Variants in NEURL1 observed in about 807,000 individuals in gnomAD.
NEURL1 encodes E3 ubiquitin-protein ligase NEURL1.
In NEURL1, 26 loss-of-function variants were observed where a neutral mutation model predicts 41.2. The ratio of observed to expected loss-of-function variants is 0.63; its 90% CI spans 0.46 to 0.87. NEURL1 has a LOEUF of 0.87. Among genes scored for constraint, NEURL1 ranks in the 40% least tolerant of loss-of-function variants. NEURL1 has a pLI of 0.00. For synonymous variants in NEURL1, 400 were observed against 402.3 expected (o/e 0.99, Z 0.07); for missense variants, 761 against 871.1 (o/e 0.87, Z 1.59).
At chr10:103,543,095 C>T (rs1224199149) in intron 1 of NEURL1, among the ~76,000 whole-genome samples, 3 of 152,164 alleles carry the variant, frequency 2.0e-5, no homozygotes, top group Non-Finnish European at 4.4e-5. Context: ...GGCGCTCTGT[C>T]CCCTGCCGCT....
At position 103,522,225 on chromosome 10, in the gene NEURL1, A is replaced by T. The variant is rs368456911; in HGVS notation, c.85+27753A>T. Among the ~76,000 whole-genome samples the T allele has an allele frequency of 9.9e-5, 15 of 152,236 alleles. No homozygotes were observed. In the East Asian group the frequency reaches 2.9e-3, roughly 29 times the overall value. On this transcript the variant is annotated intron_variant, in intron 1 of 5. Transcript: ENST00000369780. ...ATCCGGATGTTTACGTGCAGGTCAC[A>T]GGGGATATGATGGCTTGGCTTGGGC...
At position 103,590,368 on chromosome 10, in the gene NEURL1, C is replaced by G. The variant is rs1457302589; in HGVS notation, c.1721C>G (p.Ser574Cys). 1 of 1,612,536 alleles carries G rather than the reference C, an allele frequency of 6.2e-7. No homozygotes were observed. The highest frequency in any genetic ancestry group is 2.2e-5 in the East Asian group (1 of 44,872). Reference protein sequence around the residue: ...IKDIIKTYRSS With the variant: ...IKDIIKTYRSC ...GACATCATCAAGACCTACCGCAGCT[C>G]CTAGCCCGTTGCGGTGGCCCATCCC... The change falls in exon 6 of 6, where the codon TCC becomes TGC. Residue 574 changes from serine (S) to cysteine (C), a missense_variant. Around this residue, in one of 5 missense-constraint regions of NEURL1, gnomAD observed 45 missense variants for 89.9 expected, o/e 0.50. Transcript: ENST00000369780.
At chr10:103,563,666 A>G (rs1033248236) in intron 1 of NEURL1, among the ~76,000 whole-genome samples, 6 of 152,198 alleles carry the variant, frequency 3.9e-5, no homozygotes, top group African/African-American at 1.4e-4. Flanking sequence ...TGATATAAAT[A>G]GTAATAATAA....
intron 4 of NEURL1, among the ~76,000 whole-genome samples, chr10:103,587,674 T>C (rs1199882328): frequency 1.3e-5 from 2 of 152,242 alleles, no homozygotes; most frequent in African/African-American, 4.8e-5. Context: ...TCCATACTTA[T>C]TGGTGAAACA....
At chr10:103,563,655 A>T (rs1438468376) in intron 1 of NEURL1, among the ~76,000 whole-genome samples, 1 of 152,174 alleles carries the variant, frequency 6.6e-6, no homozygotes, top group Non-Finnish European at 1.5e-5. Context: ...GGAAAGCAGA[A>T]TGATATAAAT....
chr10:103,582,535 G>C (rs183621481), intron 3 of NEURL1, among the ~76,000 whole-genome samples: 13 of 152,350 alleles, frequency 8.5e-5, no homozygotes, highest in East Asian at 1.9e-4. Context: ...AGGAGGCTTG[G>C]GGGGAAGGGC....
rs2035525257 is a variant in NEURL1 at position 103,570,860 on chromosome 10, G to C, written c.86-12G>C. 14 of 1,610,032 alleles carry C rather than the reference G, an allele frequency of 8.7e-6. No individual in the cohort carries two copies. The highest frequency in any genetic ancestry group is 1.2e-5 in the Non-Finnish European group (14 of 1,177,410). ...GCCAAGTTCTCTGACACCGTGGCCT[G>C]TTCCTTTGCAGACTCTATCGGGGGC... is the stretch of plus-strand genomic sequence containing the variant. On this transcript the variant is annotated splice_polypyrimidine_tract_variant and intron_variant, in intron 1 of 5. Coordinates refer to ENST00000369780, the MANE Select transcript of NEURL1 (RefSeq NM_004210.5).
chr10:103,513,838 T>G (rs558536435), intron 1 of NEURL1, among the ~76,000 whole-genome samples: 73 of 151,356 alleles, frequency 4.8e-4, no homozygotes, highest in African/African-American at 1.5e-3. Flanking sequence ...CCCCAAGGCC[T>G]CTGGGGCAGG....
rs1342360072 is a variant in NEURL1, at chr10:103,562,771, G to T, written c.86-8101G>T. Among the ~76,000 whole-genome samples, 9 of 152,280 alleles carry T rather than the reference G, an allele frequency of 5.9e-5. No homozygotes were observed. The East Asian group carries it at 1.7e-3, about 29-fold the overall frequency. ...AGAGAGACTTCTGGGAAAAATCTAC[G>T]TCCGAAGGATGCATGAGAAAGGCAG... On this transcript the variant is annotated intron_variant, in intron 1 of 5. Transcript: ENST00000369780.
intron 1 of NEURL1, among the ~76,000 whole-genome samples, chr10:103,561,150 G>A (rs1464892776): frequency 3.3e-5 from 5 of 152,220 alleles, no homozygotes; most frequent in African/African-American, 1.2e-4. Context: ...GTGGCAGCTG[G>A]CTTCCCCCCG....
chr10:103,551,184 C>G (rs1411146007), intron 1 of NEURL1, among the ~76,000 whole-genome samples: 2 of 151,980 alleles, frequency 1.3e-5, no homozygotes, highest in Admixed American at 6.6e-5. Context: ...TCCTGCTCAC[C>G]AGTTGGTGTA....
At chr10:103,583,365 C>T (rs1204722529) in intron 3 of NEURL1, among the ~76,000 whole-genome samples, 1 of 151,984 alleles carries the variant, frequency 6.6e-6, no homozygotes, top group African/African-American at 2.4e-5. Flanking sequence ...TGATGTAGTA[C>T]ATATAAAAGG....
chr10:103,532,302 T>C (rs183488378), intron 1 of NEURL1, among the ~76,000 whole-genome samples: 23 of 152,356 alleles, frequency 1.5e-4, no homozygotes, highest in Admixed American at 5.9e-4. Flanking sequence ...GGTTTTTGTT[T>C]TTTTGGTAGT....
chr10:103,588,770 C>T, intron 4 of NEURL1: 1 of 421,070 alleles, frequency 2.4e-6, no homozygotes, highest in East Asian at 7.2e-5. Context: ...ATGGTGAAAC[C>T]CCGTCTCTAT....
In NEURL1 at chr10:103,520,216, C is replaced by T. The variant is rs575690913; in HGVS notation, c.85+25744C>T. The stretch of plus-strand genomic sequence containing the variant: ...AAATGATTAAAGTCAGTGTCACGTA[C>T]GTCCGTGTGAAGAGACCACCAAACA... On this transcript the variant is annotated intron_variant, in intron 1 of 5. Transcript: ENST00000369780. 1.1e-3 allele frequency among the ~76,000 whole-genome samples: 161 copies of T among 152,246 alleles called. 1 individual carries two copies. The highest frequency in any genetic ancestry group is 0.01 in the Middle Eastern group (3 of 294).
rs888077396 is a variant in NEURL1, at chr10:103,494,143, C to G, written c.-245C>G. 3 of 425,600 alleles carry G rather than the reference C, an allele frequency of 7.0e-6. No homozygotes were observed. Among genetic ancestry groups the G allele is most frequent in the African/African-American group, 2.1e-5 (1 of 47,276 alleles). 26.4% of individuals were successfully genotyped at this position (425,600 alleles called of 1,614,324 possible). A position where few individuals can be genotyped will look rare whatever the true frequency, so the allele number is the denominator to read the frequency against. On this transcript the variant is annotated 5_prime_UTR_variant, in exon 1 of 6. Transcript: ENST00000369780. ...GCCCTGCTTGTGGCCCCCGCTCCCG[C>G]CACGGGGCATGGGAGGCAGGTAGCC...
intron 1 of NEURL1, among the ~76,000 whole-genome samples, chr10:103,533,530 G>A (rs1409407937): frequency 7.4e-5 from 11 of 148,130 alleles, no homozygotes; most frequent in Non-Finnish European, 1.6e-4. Flanking sequence ...CCACGATGCC[G>A]GACTAATTTT....
chr10:103,583,383 CA>C (rs1261793994), intron 3 of NEURL1, among the ~76,000 whole-genome samples: 1 of 151,970 alleles, frequency 6.6e-6, no homozygotes, highest in East Asian at 1.9e-4. Flanking sequence ...AGGTAAAAAA[CA>C]AGTGATGTTT....
chr10:103,545,290 A>C lies in NEURL1; in HGVS notation c.86-25582A>C, dbSNP rs1347342540. 6.6e-6 allele frequency among the ~76,000 whole-genome samples: 1 copy of C among 152,078 alleles called. No homozygotes were observed. Among genetic ancestry groups the C allele is most frequent in the Non-Finnish European group, 1.5e-5 (1 of 68,010 alleles). On this transcript the variant is annotated intron_variant, in intron 1 of 5. Coordinates refer to ENST00000369780, the MANE Select transcript of NEURL1 (RefSeq NM_004210.5). The surrounding 1 kb of genome is among the most constrained non-coding windows in gnomAD (Gnocchi z 4.5). ...GGCCACACCTGAACTCTGGCTCAGGAGGGTGGGGCAGCCAGCCCTGAGCCA... is the reference window on the plus strand; with the variant it reads ...GGCCACACCTGAACTCTGGCTCAGGCGGGTGGGGCAGCCAGCCCTGAGCCA...
Sources: allele counts gnomAD v4.1 joint callset (sites outside exome capture counted in the v4.1 genomes callset), GRCh38; gene constraint gnomAD v4.1.1; regional missense constraint gnomAD v4.1.1; non-coding constraint Gnocchi (gnomAD v3.1); transcripts MANE v1.5; gene names NCBI Gene and HGNC (gene_info 2026-07-23, HGNC 2026-07-21).